The following SLC4A4 variants were observed in gnomAD, a reference collection of about 807,000 sequenced individuals.
The protein encoded by SLC4A4 is electrogenic sodium bicarbonate cotransporter 1.
In SLC4A4, 27 loss-of-function variants were observed where a neutral mutation model predicts 111.5. That is an observed-to-expected ratio of 0.24 (90% CI 0.18 to 0.33). The LOEUF (loss-of-function observed/expected upper bound fraction) is 0.33. Among genes scored for constraint, SLC4A4 ranks in the 10% least tolerant of loss-of-function variants. SLC4A4 has a pLI of 1.00. For synonymous variants in SLC4A4, 443 were observed against 463.4 expected, an observed-to-expected ratio of 0.96 and a Z score of 0.57; for missense variants, 909 against 1,315.5, an observed-to-expected ratio of 0.69 and a Z score of 4.78.
At chr4:71,543,301 G>A (rs1203142239) in intron 18 of SLC4A4, among the ~76,000 whole-genome samples, 1 of 152,084 alleles carries the variant, frequency 6.6e-6, no homozygotes, top group East Asian at 1.9e-4. Context: ...AGTTGAGGCT[G>A]GAGAAGAGGT....
chr4:71,381,552 C>T (rs150157415), intron 6 of SLC4A4, among the ~76,000 whole-genome samples: 153 of 152,188 alleles, frequency 1.0e-3, no homozygotes, highest in African/African-American at 3.5e-3. Context: ...TTTATCATAC[C>T]CAGTTATAGG....
intron 7 of SLC4A4, among the ~76,000 whole-genome samples, chr4:71,436,362 A>T (rs971636946): frequency 1.3e-5 from 2 of 152,156 alleles, no homozygotes; most frequent in Admixed American, 6.5e-5. Context: ...GAACAATGAG[A>T]ACACATGGAC....
chr4:71,477,541 T>A (rs1394068041), intron 14 of SLC4A4, among the ~76,000 whole-genome samples: 1 of 151,832 alleles, frequency 6.6e-6, no homozygotes, highest in Non-Finnish European at 1.5e-5. Flanking sequence ...CTTCATTGCA[T>A]TGTAGTTAGA....
At chr4:71,257,619 A>C (rs867591556) in intron 3 of SLC4A4, among the ~76,000 whole-genome samples, 9 of 152,306 alleles carry the variant, frequency 5.9e-5, no homozygotes, top group African/African-American at 1.9e-4. Context: ...TGAATGAAAT[A>C]CTTGCCTACT....
At chr4:71,139,179 T>TTCTGTG (rs1310094007) in intron 2 of SLC4A4, among the ~76,000 whole-genome samples, 2 of 144,438 alleles carry the variant, frequency 1.4e-5, no homozygotes, top group African/African-American at 5.2e-5. Flanking sequence ...TCCCTTTTCT[T>TTCTGTG]TGTGTGTGTG....
chr4:71,107,223 AT>A, intron 2 of SLC4A4, among the ~76,000 whole-genome samples: 1 of 152,238 alleles, frequency 6.6e-6, no homozygotes, highest in East Asian at 1.9e-4. Context: ...ATCCATTTAT[AT>A]TTTAAGGAAT....
Position 71,121,138 on chromosome 4 carries a change from T to C in SLC4A4, c.-2+28346T>C, listed in dbSNP as rs562335489. Among the ~76,000 whole-genome samples, 10 of 152,270 alleles carry C rather than the reference T, an allele frequency of 6.6e-5. No homozygotes were observed. The South Asian group carries it at 2.1e-3, about 32-fold the overall frequency. The stretch of plus-strand genomic sequence containing the variant: ...TGGCTGGCCCGCCGCACTCGAATTC[T>C]TGCAGGGCCTCAGCTGCCTCCCCAC... On this transcript the variant is annotated intron_variant, in intron 2 of 26. Transcript: ENST00000649996.
chr4:71,544,720 C>A (rs2149231530), intron 18 of SLC4A4, among the ~76,000 whole-genome samples: 1 of 152,156 alleles, frequency 6.6e-6, no homozygotes, highest in Non-Finnish European at 1.5e-5. Context: ...CATTTCAAAC[C>A]CTCCAGTGGT....
chr4:71,563,725 G>A (rs1042386386), intron 23 of SLC4A4, 68 bp from the exon 24 acceptor site: 12 of 968,734 alleles, frequency 1.2e-5, no homozygotes, highest in Middle Eastern at 4.2e-4. Context: ...CGGTTTGATC[G>A]ATGCTAGGAG....
intron 3 of SLC4A4, among the ~76,000 whole-genome samples, chr4:71,264,806 C>G (rs1578707778): frequency 6.6e-6 from 1 of 152,134 alleles, no homozygotes; most frequent in Non-Finnish European, 1.5e-5. Context: ...GATGTCCACA[C>G]ACAGACACAG....
At position 71,221,018 on chromosome 4, in the gene SLC4A4, C is replaced by T. The variant is rs150774403; in HGVS notation, c.-1-15558C>T. Among the ~76,000 whole-genome samples the T allele has an allele frequency of 2.4e-3, 359 of 152,324 alleles. 1 individual carries two copies. The highest frequency in any genetic ancestry group is 6.8e-3 in the African/African-American group (281 of 41,574). On this transcript the variant is annotated intron_variant, in intron 1 of 25. Transcript: ENST00000264485. ...GTTTGCTGAGGATAATAGCCTCCAG[C>T]TGCATCCATGTTCCTGCAAAATACA...
intron 6 of SLC4A4, among the ~76,000 whole-genome samples, chr4:71,391,354 G>A (rs1320263121): frequency 6.6e-6 from 1 of 152,038 alleles, no homozygotes; most frequent in East Asian, 1.9e-4. Context: ...GAGGTATGAG[G>A]TGAGGAGGAC....
intron 3 of SLC4A4, among the ~76,000 whole-genome samples, chr4:71,329,261 C>T (rs1188404857): frequency 6.6e-6 from 1 of 151,948 alleles, no homozygotes; most frequent in Non-Finnish European, 1.5e-5. Context: ...TGTGATGCCT[C>T]TAGTTTTGTT....
At chr4:71,378,598 T>C (rs1424714478) in intron 6 of SLC4A4, among the ~76,000 whole-genome samples, 1 of 152,244 alleles carries the variant, frequency 6.6e-6, no homozygotes, top group Non-Finnish European at 1.5e-5. Context: ...GCTCAAGCGC[T>C]AAATACTTGA....
intron 13 of SLC4A4, among the ~76,000 whole-genome samples, chr4:71,470,787 G>A (rs936636512): frequency 6.6e-6 from 1 of 152,016 alleles, no homozygotes; most frequent in African/African-American, 2.4e-5. Context: ...GCTGTCTGCT[G>A]TAGAACCAGG....
At chr4:71,364,525 T>C (rs1161472026) in intron 6 of SLC4A4, among the ~76,000 whole-genome samples, 1 of 152,196 alleles carries the variant, frequency 6.6e-6, no homozygotes, top group Non-Finnish European at 1.5e-5. Flanking sequence ...GCAAATTTAC[T>C]GACTGGTGAG....
intron 11 of SLC4A4, among the ~76,000 whole-genome samples, chr4:71,453,045 T>G (rs548382277): frequency 3.5e-4 from 53 of 151,998 alleles, no homozygotes; most frequent in Non-Finnish European, 7.2e-4. Context: ...AGTGCCAGAG[T>G]GTGGGCATAT....
chr4:71,211,357 A>G (rs958092603), intron 1 of SLC4A4, among the ~76,000 whole-genome samples: 1 of 152,152 alleles, frequency 6.6e-6, no homozygotes, highest in Non-Finnish European at 1.5e-5. Context: ...TAACATAGAG[A>G]ATTTTTTATA....
intron 1 of SLC4A4, among the ~76,000 whole-genome samples, chr4:71,073,861 A>G (rs1438619775): frequency 6.6e-6 from 1 of 152,060 alleles, no homozygotes; most frequent in East Asian, 1.9e-4. Context: ...AGGCGGGTTG[A>G]CCACTTGAGC....
Sources: gnomAD v4.1 joint callset for allele counts (sites outside exome capture counted in the v4.1 genomes callset) on GRCh38, gnomAD v4.1.1 for gene constraint, MANE v1.5 for transcripts, NCBI Gene and HGNC (gene_info 2026-07-23, HGNC 2026-07-21) for gene names.